The following LIMCH1 variants were observed in gnomAD, a reference collection of about 807,000 sequenced individuals.
LIMCH1 encodes LIM and calponin homology domains 1.
LIMCH1 carries 113 observed loss-of-function variants against 176.5 expected under a neutral mutation model. That is an observed-to-expected ratio of 0.64 (90% confidence interval 0.55 to 0.75). The LOEUF (loss-of-function observed/expected upper bound fraction) is 0.75, where lower values mean the gene tolerates loss of function less well. Ranked by LOEUF, LIMCH1 falls within the 30% of genes least tolerant of loss-of-function variation. The probability of loss-of-function intolerance (pLI) is 0.00; values close to 1 mark genes in which losing one functional copy is unlikely to be tolerated. For missense variants in LIMCH1, 1,674 were observed against 1,814.9 expected, an observed-to-expected ratio of 0.92 and a Z score of 1.41; for synonymous variants, 619 against 645.9, an observed-to-expected ratio of 0.96 and a Z score of 0.63.
chr4:41,518,112 T>C (rs1254035457), intron 2 of LIMCH1, among the ~76,000 whole-genome samples: 3 of 152,240 alleles, frequency 2.0e-5, no homozygotes, highest in Non-Finnish European at 4.4e-5. Flanking sequence ...ATTACTAGAA[T>C]TGAATTTCTG....
intron 1 of LIMCH1, among the ~76,000 whole-genome samples, chr4:41,399,586 T>C (rs1050651946): frequency 2.6e-5 from 4 of 152,116 alleles, no homozygotes; most frequent in African/African-American, 9.7e-5. Flanking sequence ...TAATGATTAA[T>C]GACTGCTTAA....
chr4:41,607,600 C>G (rs935755313), intron 4 of LIMCH1, among the ~76,000 whole-genome samples: 3 of 152,136 alleles, frequency 2.0e-5, no homozygotes, highest in Non-Finnish European at 4.4e-5. Context: ...TCACAGTTCC[C>G]CTGCTAGATT....
intron 1 of LIMCH1, among the ~76,000 whole-genome samples, chr4:41,435,114 T>TA (rs1042022415): frequency 7.9e-5 from 12 of 152,286 alleles, no homozygotes; most frequent in African/African-American, 2.9e-4. Flanking sequence ...GACCCTATGT[T>TA]ATCACAAAAG....
chr4:41,461,953 T>C (rs1372400221), intron 1 of LIMCH1, among the ~76,000 whole-genome samples: 1 of 152,236 alleles, frequency 6.6e-6, no homozygotes, highest in East Asian at 1.9e-4. Flanking sequence ...CAGGACTATC[T>C]AAATCAGTAG....
intron 2 of LIMCH1, among the ~76,000 whole-genome samples, chr4:41,522,429 G>A (rs2076212532): frequency 6.6e-6 from 1 of 151,664 alleles, no homozygotes; most frequent in Admixed American, 6.6e-5. Context: ...GGAGTCCTGT[G>A]GTACAAAGGT....
intron 3 of LIMCH1, chr4:41,604,158 T>A (rs928216923): frequency 2.1e-6 from 2 of 971,666 alleles, no homozygotes; most frequent in African/African-American, 3.5e-5. Context: ...TGTACTCTGT[T>A]TATGATTCAG....
intron 1 of LIMCH1, among the ~76,000 whole-genome samples, chr4:41,361,764 C>T (rs1163508749): frequency 6.6e-6 from 1 of 152,178 alleles, no homozygotes; most frequent in Non-Finnish European, 1.5e-5. Context: ...TTGGTAGCCC[C>T]GAGCTCCCGA....
intron 1 of LIMCH1, among the ~76,000 whole-genome samples, chr4:41,424,590 T>G (rs369616588): frequency 1.3e-5 from 2 of 152,332 alleles, no homozygotes; most frequent in African/African-American, 4.8e-5. Flanking sequence ...CATTTTTTTT[T>G]GTTTTGTAAT....
At chr4:41,553,724 C>T (rs1177310815) in intron 1 of LIMCH1, among the ~76,000 whole-genome samples, 6 of 152,082 alleles carry the variant, frequency 3.9e-5, no homozygotes, top group African/African-American at 1.4e-4. Flanking sequence ...CTTCATGGTG[C>T]GCTGGTGGTG....
At chr4:41,535,475 T>A (rs1403895200), upstream of LIMCH1, among the ~76,000 whole-genome samples, 1 of 152,204 alleles carries the variant, frequency 6.6e-6, no homozygotes, top group Non-Finnish European at 1.5e-5. Flanking sequence ...TTTCCCTGCA[T>A]CTTCACGTGG....
At chr4:41,534,597 A>G (rs542257387), upstream of LIMCH1, among the ~76,000 whole-genome samples, 1 of 152,328 alleles carries the variant, frequency 6.6e-6, no homozygotes, top group Admixed American at 6.5e-5. Context: ...ACTATTAGAA[A>G]TGCTGGTTTG....
At chr4:41,570,749 A>G (rs754893818) in intron 1 of LIMCH1, among the ~76,000 whole-genome samples, 1 of 152,208 alleles carries the variant, frequency 6.6e-6, no homozygotes, top group Non-Finnish European at 1.5e-5. Context: ...GGCACCGCCC[A>G]ACAAAAATAG....
rs1294973396 is a variant in LIMCH1, at chr4:41,638,107, TG to T, written c.2091-824del. 4.4e-3 allele frequency among the ~76,000 whole-genome samples: 344 copies of T among 77,918 alleles called. 3 individuals carry two copies. Among genetic ancestry groups the T allele is most frequent in the African/African-American group, 0.014 (257 of 18,756 alleles). 51.1% of individuals were successfully genotyped at this position (77,918 alleles called of 152,430 possible). On this transcript the variant is annotated intron_variant, in intron 13 of 31. Coordinates refer to ENST00000503057, the MANE Select transcript of LIMCH1 (RefSeq NM_001330672.2). Reference sequence around the variant, plus strand: ...ATTTGTGGGAGCTGTGTTGTTTTGTTGTTGTTGTTGTTGTTGTTGTTGTTGT... The same window carrying T: ...ATTTGTGGGAGCTGTGTTGTTTTGTTTTGTTGTTGTTGTTGTTGTTGTTGT...
At chr4:41,670,921 A>G in intron 21 of LIMCH1, 1 of 1,426,116 alleles carries the variant, frequency 7.0e-7, no homozygotes, top group Non-Finnish European at 9.1e-7. Context: ...ACAGTTAGCA[A>G]AGAGCTAGTT....
At chr4:41,482,005 C>T (rs933311864) in intron 1 of LIMCH1, among the ~76,000 whole-genome samples, 5 of 152,100 alleles carry the variant, frequency 3.3e-5, no homozygotes, top group Non-Finnish European at 5.9e-5. Context: ...TGTGTACCAC[C>T]ATGGCTGGCT....
chr4:41,512,396 C>CTTGG (rs2075034811), intron 2 of LIMCH1, among the ~76,000 whole-genome samples: 1 of 152,154 alleles, frequency 6.6e-6, no homozygotes, highest in African/African-American at 2.4e-5. Context: ...CTGTTATACT[C>CTTGG]CTAAGTACAT....
At chr4:41,531,473 G>GACACACACAC (rs2077279548) in intron 3 of LIMCH1, among the ~76,000 whole-genome samples, 1 of 42,158 alleles carries the variant, frequency 2.4e-5, no homozygotes, top group African/African-American at 9.2e-5. Flanking sequence ...GTCTTTCTCT[G>GACACACACAC]TCACACACAC....
At chr4:41,599,088 G>T in intron 2 of LIMCH1, 62 bp downstream of exon 2, 1 of 983,916 alleles carries the variant, frequency 1.0e-6, no homozygotes, top group Non-Finnish European at 1.6e-6. Context: ...GCAATTTTGT[G>T]ATGATGTTGT....
intron 2 of LIMCH1, among the ~76,000 whole-genome samples, chr4:41,602,927 A>G (rs2090179699): frequency 6.6e-6 from 1 of 152,168 alleles, no homozygotes; most frequent in African/African-American, 2.4e-5. Context: ...AACTGGACTA[A>G]TGCTTCTTTC....
Sources: allele counts gnomAD v4.1 joint callset (sites outside exome capture counted in the v4.1 genomes callset), GRCh38; gene constraint gnomAD v4.1.1; transcripts MANE v1.5; gene names NCBI Gene and HGNC (gene_info 2026-07-23, HGNC 2026-07-21).